Variants in NXNL2 observed in about 807,000 individuals in gnomAD.
NXNL2 encodes nucleoredoxin like 2, also known as nucleoredoxin-like protein 2.
NXNL2 carries 7 observed loss-of-function variants against 11.1 expected under a neutral mutation model. That is an observed-to-expected ratio of 0.63 (90% CI 0.36 to 1.18). NXNL2 has a LOEUF of 1.18. Among genes scored for constraint, NXNL2 ranks in the 50% most tolerant of loss-of-function variants. The pLI, the probability that NXNL2 is intolerant of heterozygous loss-of-function variation, is 0.02. For synonymous variants in NXNL2, 109 were observed against 101.8 expected (o/e 1.07, Z -0.42); for missense variants, 233 against 217.7 (o/e 1.07, Z -0.44).
At chr9:88,563,243 CAT>C (rs1488548085) in intron 1 of NXNL2, among the ~76,000 whole-genome samples, 7 of 152,252 alleles carry the variant, frequency 4.6e-5, no homozygotes, top group African/African-American at 9.6e-5. Flanking sequence ...CATGCTCACA[CAT>C]ATGTGTGTAC....
In NXNL2 at chr9:88,544,679, T is replaced by A. The variant is rs7032252; in HGVS notation, c.*132T>A. ...GTATTTCAGAGCAGAAGCACTAAGC[T>A]GTGGTCAAAAAGCAACTATTGCTCA... On this transcript the variant is annotated 3_prime_UTR_variant, in exon 2 of 2. Coordinates refer to ENST00000375854, the MANE Select transcript of NXNL2 (RefSeq NM_001161625.2). 18,123 of 1,418,936 alleles carry A rather than the reference T, an allele frequency of 0.013. 2,055 individuals are homozygous for A. The African/African-American group carries it at 0.24, about 19-fold the overall frequency. 87.9% of individuals were successfully genotyped at this position (1,418,936 alleles called of 1,614,324 possible).
chr9:88,540,935 A>ATT (rs71507764), intron 1 of NXNL2, among the ~76,000 whole-genome samples: 4,835 of 90,834 alleles, frequency 0.053, 1,269 homozygotes, highest in African/African-American at 0.22. Context: ...ATCTCAGTAG[A>ATT]TTTTTTTTTT....
downstream of NXNL2, among the ~76,000 whole-genome samples, chr9:88,545,409 C>G (rs145312989): frequency 9.9e-5 from 15 of 152,282 alleles, no homozygotes; most frequent in East Asian, 2.9e-3. Context: ...CCATCTCTAG[C>G]CAAGTCCTCA....
At chr9:88,580,188 T>C (rs1040148986), downstream of NXNL2, among the ~76,000 whole-genome samples, 1 of 151,102 alleles carries the variant, frequency 6.6e-6, no homozygotes, top group Non-Finnish European at 1.5e-5. Flanking sequence ...AGTTTCACTC[T>C]TGTTGCCCAG....
At chr9:88,562,381 T>C (rs1413361291) in intron 1 of NXNL2, among the ~76,000 whole-genome samples, 1 of 152,116 alleles carries the variant, frequency 6.6e-6, no homozygotes, top group Non-Finnish European at 1.5e-5. Flanking sequence ...CATGGGTGTG[T>C]TCACTTCGTG....
chr9:88,566,625 G>A (rs937819641), intron 1 of NXNL2, among the ~76,000 whole-genome samples: 2 of 152,034 alleles, frequency 1.3e-5, no homozygotes, highest in African/African-American at 4.8e-5. Flanking sequence ...TTTCTTTTAG[G>A]AGTTTTACAG....
intron 1 of NXNL2, among the ~76,000 whole-genome samples, chr9:88,568,728 CAT>C (rs1830215049): frequency 6.6e-6 from 1 of 152,122 alleles, no homozygotes; most frequent in Admixed American, 6.6e-5. Flanking sequence ...GGTATTCTCA[CAT>C]GTTTAGTTTT....
chr9:88,559,043 T>C (rs987693476), intron 1 of NXNL2, among the ~76,000 whole-genome samples: 1 of 152,122 alleles, frequency 6.6e-6, no homozygotes, highest in African/African-American at 2.4e-5. Flanking sequence ...ATGCAACTGA[T>C]ACCCTCTGTG....
intron 1 of NXNL2, among the ~76,000 whole-genome samples, chr9:88,581,550 G>T (rs1417537787): frequency 6.6e-6 from 1 of 151,934 alleles, no homozygotes; most frequent in Non-Finnish European, 1.5e-5. Flanking sequence ...CGATTCTCCC[G>T]CCTCAGCCGC....
intron 1 of NXNL2, among the ~76,000 whole-genome samples, chr9:88,560,960 T>G (rs1830078545): frequency 6.6e-6 from 1 of 152,116 alleles, no homozygotes; most frequent in South Asian, 2.1e-4. Flanking sequence ...GTGTGCAACA[T>G]TATCTTTATG....
chr9:88,578,445 CT>C (rs1261621535), downstream of NXNL2, among the ~76,000 whole-genome samples: 1 of 152,238 alleles, frequency 6.6e-6, no homozygotes, highest in Non-Finnish European at 1.5e-5. Flanking sequence ...TGGCTTCTTT[CT>C]TTCATTTTAG....
downstream of NXNL2, among the ~76,000 whole-genome samples, chr9:88,548,781 G>A (rs1829887368): frequency 1.3e-5 from 2 of 152,022 alleles, no homozygotes; most frequent in South Asian, 4.2e-4. Flanking sequence ...TTTCTGTCCG[G>A]TATAATCCAT....
intron 1 of NXNL2, among the ~76,000 whole-genome samples, chr9:88,541,811 T>C (rs970247877): frequency 6.6e-6 from 1 of 152,228 alleles, no homozygotes; most frequent in Non-Finnish European, 1.5e-5. Context: ...TTCCTAAGTG[T>C]GTTTAATTGT....
At chr9:88,547,335 G>A (rs901487498), downstream of NXNL2, among the ~76,000 whole-genome samples, 6 of 152,206 alleles carry the variant, frequency 3.9e-5, no homozygotes, top group East Asian at 3.9e-4. Flanking sequence ...CTGCAGGAGC[G>A]CGTGCAGACC....
At chr9:88,559,076 AAAG>A (rs1418923824) in intron 1 of NXNL2, among the ~76,000 whole-genome samples, 4 of 152,044 alleles carry the variant, frequency 2.6e-5, no homozygotes, top group African/African-American at 9.7e-5. Flanking sequence ...CACAGACAAC[AAAG>A]AAGAGCCAGA....
At chr9:88,570,783 C>CCCAGGCCA (rs1435024305) in intron 1 of NXNL2, among the ~76,000 whole-genome samples, 1 of 152,174 alleles carries the variant, frequency 6.6e-6, no homozygotes, top group Non-Finnish European at 1.5e-5. Flanking sequence ...CATTCTGTCG[C>CCCAGGCCA]CCAGGCCAGA....
chr9:88,563,532 C>T (rs17054224), intron 1 of NXNL2, among the ~76,000 whole-genome samples: 3,988 of 152,270 alleles, frequency 0.026, 95 homozygotes, highest in East Asian at 0.086. Context: ...GTGGGCTCTC[C>T]GCTGGATTCC....
rs576128361 is a variant in NXNL2, at chr9:88,538,692, G to A, written c.302+2956G>A. 1.6e-4 allele frequency among the ~76,000 whole-genome samples: 25 copies of A among 152,348 alleles called. No individual in the cohort carries two copies. The South Asian group carries it at 3.1e-3, about 19-fold the overall frequency. ...ATTTCTGTACTATTAAGTGTAGCCA[G>A]GGGCCACCAGATAGATATGCTGACT... On this transcript the variant is annotated intron_variant, in intron 1 of 1. Coordinates refer to ENST00000375854, the MANE Select transcript of NXNL2 (RefSeq NM_001161625.2).
chr9:88,581,905 C>A (rs920961993), intron 1 of NXNL2, among the ~76,000 whole-genome samples: 1 of 152,202 alleles, frequency 6.6e-6, no homozygotes, highest in Non-Finnish European at 1.5e-5. Flanking sequence ...CAAGGTGAGC[C>A]TAACCATGGG....
Sources: gnomAD v4.1 joint callset for allele counts (sites outside exome capture counted in the v4.1 genomes callset) on GRCh38, gnomAD v4.1.1 for gene constraint, MANE v1.5 for transcripts, NCBI Gene and HGNC (gene_info 2026-07-23, HGNC 2026-07-21) for gene names.